The following DLG2 variants were observed in gnomAD, a reference collection of about 807,000 sequenced individuals.
The protein encoded by DLG2 is discs large MAGUK scaffold protein 2.
In DLG2, 45 loss-of-function variants were observed where a neutral mutation model predicts 132.5. The observed-to-expected ratio is 0.34, with a 90% CI of 0.27 to 0.44. The LOEUF (loss-of-function observed/expected upper bound fraction) is 0.44. DLG2 is among the 20% of genes least tolerant of loss of function. DLG2 has a pLI of 1.00. For missense variants in DLG2, 1,045 were observed against 1,196.9 expected (o/e 0.87, Z 1.87); for synonymous variants, 424 against 419.6 (o/e 1.01, Z -0.13).
intron 7 of DLG2, among the ~76,000 whole-genome samples, chr11:84,520,881 G>C (rs1452532581): frequency 2.6e-5 from 4 of 152,068 alleles, no homozygotes; most frequent in African/African-American, 4.8e-5. Flanking sequence ...TGGAAATTAG[G>C]TTTAGGAGCA....
intron 8 of DLG2, among the ~76,000 whole-genome samples, chr11:84,249,015 C>T (rs970552494): frequency 3.9e-5 from 6 of 152,132 alleles, no homozygotes; most frequent in African/African-American, 1.4e-4. Flanking sequence ...ATTTGGGATA[C>T]CAATTGAACA....
chr11:83,952,443 C>G (rs897066416), intron 14 of DLG2, among the ~76,000 whole-genome samples: 2 of 152,008 alleles, frequency 1.3e-5, no homozygotes, highest in Non-Finnish European at 2.9e-5. Context: ...ATAAGACAAC[C>G]AAGTGAGATG....
At chr11:84,122,006 A>G (rs1159093165) in intron 9 of DLG2, among the ~76,000 whole-genome samples, 2 of 151,918 alleles carry the variant, frequency 1.3e-5, no homozygotes, top group East Asian at 3.9e-4. Flanking sequence ...GGCTTTCTCA[A>G]ATTAAAACAA....
chr11:85,121,344 A>G (rs763791632), intron 5 of DLG2, among the ~76,000 whole-genome samples: 4 of 151,204 alleles, frequency 2.6e-5, no homozygotes, highest in Non-Finnish European at 5.9e-5. Flanking sequence ...TCATAGTAAA[A>G]TATACTACAT....
At chr11:85,209,584 C>T (rs2082123323) in intron 4 of DLG2, among the ~76,000 whole-genome samples, 1 of 131,538 alleles carries the variant, frequency 7.6e-6, no homozygotes, top group South Asian at 2.5e-4. Context: ...CACACTACCA[C>T]ACCCAGCTAA....
chr11:83,651,142 T>G (rs545380867), intron 18 of DLG2, among the ~76,000 whole-genome samples: 2 of 152,280 alleles, frequency 1.3e-5, no homozygotes, highest in South Asian at 2.1e-4. Context: ...CTGTGTATAC[T>G]CAGCTCTTAG....
Position 83,821,332 on chromosome 11 carries a change from A to T in DLG2, c.1722+12282T>A, listed in dbSNP as rs11233753. Among the ~76,000 whole-genome samples the T allele has an allele frequency of 6.7e-3, 1,023 of 152,320 alleles. 12 individuals carry two copies. The highest frequency in any genetic ancestry group is 0.022 in the African/African-American group (924 of 41,584). On this transcript the variant is annotated intron_variant, in intron 17 of 27. Transcript: ENST00000376104. ...GTCAGCTGTTGAGAGCGGTCATTGC[A>T]TGTGGTGGAGTGAATGGTGTCAGAA...
chr11:83,752,468 A>G (rs1169524548), intron 18 of DLG2, among the ~76,000 whole-genome samples: 1 of 152,164 alleles, frequency 6.6e-6, no homozygotes. Context: ...TTCAACTATG[A>G]CAAATGCTGC....
chr11:84,046,558 A>T (rs2096247240), intron 11 of DLG2, among the ~76,000 whole-genome samples: 1 of 151,578 alleles, frequency 6.6e-6, no homozygotes, highest in South Asian at 2.1e-4. Flanking sequence ...ATATACCTTC[A>T]TTCACCACGA....
intron 6 of DLG2, among the ~76,000 whole-genome samples, chr11:84,876,487 T>C (rs1488761934): frequency 6.6e-6 from 1 of 152,224 alleles, no homozygotes. Flanking sequence ...GTTTATAGTA[T>C]TCTCTGATGG....
At chr11:84,816,378 T>C (rs567910918) in intron 6 of DLG2, among the ~76,000 whole-genome samples, 1 of 152,004 alleles carries the variant, frequency 6.6e-6, no homozygotes, top group South Asian at 2.1e-4. Context: ...TCAGATCAAA[T>C]AGAGCCAAGA....
At chr11:83,597,187 T>C (rs1415527874) in intron 19 of DLG2, among the ~76,000 whole-genome samples, 1 of 152,158 alleles carries the variant, frequency 6.6e-6, no homozygotes, top group Admixed American at 6.5e-5. Context: ...GTAACATCAG[T>C]GACAGCATGA....
chr11:84,313,685 G>GAAAGAAAGAAAGAAAGAAAGAAAA (rs2098325562), intron 7 of DLG2, among the ~76,000 whole-genome samples: 1 of 145,364 alleles, frequency 6.9e-6, no homozygotes, highest in Non-Finnish European at 1.5e-5. Context: ...AAGAAAGAAA[G>GAAAGAAAGAAAGAAAGAAAGAAAA]AAAAAGAAAG....
At chr11:84,737,822 C>A (rs182755582) in intron 6 of DLG2, among the ~76,000 whole-genome samples, 1 of 152,002 alleles carries the variant, frequency 6.6e-6, no homozygotes, top group Admixed American at 6.5e-5. Context: ...GGGGGTAGAT[C>A]AGATATGGGG....
rs1567806909 is a variant in DLG2 at position 84,502,382 on chromosome 11, CTTTCTTTCTTTCTTTCTTTCTTTCTTT to C, written c.519+32161_519+32187del. ...TCTTTCTTTCTTTCTTTCTTTCTTT[CTTTCTTTCTTTCTTTCTTTCTTTCTTT>C]CTTTCTATACAGAGTCTCATGCTGT... On this transcript the variant is annotated intron_variant, in intron 7 of 27. Coordinates refer to ENST00000376104, the MANE Select transcript of DLG2 (RefSeq NM_001142699.3). Among the ~76,000 whole-genome samples the C allele has an allele frequency of 2.5e-3, 225 of 89,172 alleles. 7 individuals carry two copies. The highest frequency in any genetic ancestry group is 3.0e-3 in the Non-Finnish European group (141 of 47,120). 58.5% of individuals were successfully genotyped at this position (89,172 alleles called of 152,430 possible).
intron 6 of DLG2, among the ~76,000 whole-genome samples, chr11:84,620,345 G>GT (rs1293261614): frequency 6.6e-6 from 1 of 151,742 alleles, no homozygotes. Context: ...AAATTTTACA[G>GT]TTTTATATCT....
At chr11:83,815,698 G>C (rs187620323) in intron 17 of DLG2, among the ~76,000 whole-genome samples, 61 of 152,280 alleles carry the variant, frequency 4.0e-4, no homozygotes, top group Non-Finnish European at 8.1e-4. Flanking sequence ...GAACCTGTTT[G>C]AATGTTCAGT....
chr11:84,765,450 C>T (rs567770288), intron 6 of DLG2, among the ~76,000 whole-genome samples: 2 of 152,048 alleles, frequency 1.3e-5, no homozygotes, highest in Non-Finnish European at 2.9e-5. Flanking sequence ...CACAAGAATA[C>T]GGTCTCCCCT....
Position 84,977,480 on chromosome 11 carries a change from A to T in DLG2, c.357+134181T>A, listed in dbSNP as rs115446516. On this transcript the variant is annotated intron_variant, in intron 6 of 27. Transcript: ENST00000376104. ...AAGATTTTTCTTATTTTTAAAGCCA[A>T]TCACTTTTCCATTACAGAAAGCATC... 4.6e-3 allele frequency among the ~76,000 whole-genome samples: 701 copies of T among 152,256 alleles called. 6 individuals carry two copies. The highest frequency in any genetic ancestry group is 0.016 in the African/African-American group (673 of 41,550).
Sources: allele counts gnomAD v4.1 joint callset (sites outside exome capture counted in the v4.1 genomes callset), GRCh38; gene constraint gnomAD v4.1.1; transcripts MANE v1.5; gene names NCBI Gene and HGNC (gene_info 2026-07-23, HGNC 2026-07-21).